The following FOXP1 variants were observed in gnomAD, a reference collection of about 807,000 sequenced individuals.
The protein encoded by FOXP1 is forkhead box P1, also known as forkhead box protein P1.
A neutral mutation model predicts 98.2 loss-of-function variants in FOXP1; 15 were observed. That is an observed-to-expected ratio of 0.15 (90% CI 0.10 to 0.24). The LOEUF (loss-of-function observed/expected upper bound fraction) is 0.24. Among genes scored for constraint, FOXP1 ranks in the 10% least tolerant of loss-of-function variants. The pLI, the probability that FOXP1 is intolerant of heterozygous loss-of-function variation, is 1.00. For synonymous variants in FOXP1, 371 were observed against 314.5 expected (o/e 1.18, Z -1.90); for missense variants, 633 against 848.5 (o/e 0.75, Z 3.15).
intron 11 of FOXP1, among the ~76,000 whole-genome samples, chr3:71,016,586 C>A (rs1199888859): frequency 2.0e-5 from 3 of 151,482 alleles, no homozygotes; most frequent in Non-Finnish European, 4.4e-5. Flanking sequence ...CCGGGAAGGG[C>A]TATTTTGCAA....
intron 6 of FOXP1, among the ~76,000 whole-genome samples, chr3:71,115,797 T>C (rs1485704636): frequency 1.3e-5 from 2 of 149,220 alleles, no homozygotes; most frequent in South Asian, 2.1e-4. Flanking sequence ...AGTGCAGTAG[T>C]GCAACCTCGG....
At chr3:71,112,117 T>TG (rs1397460232) in intron 7 of FOXP1, among the ~76,000 whole-genome samples, 12 of 944 alleles carry the variant, frequency 0.013, no homozygotes, top group East Asian at 0.023. Context: ...TGGTGGTGGG[T>TG]GGGGGGGTGG....
rs571477928 is a variant in FOXP1, at chr3:71,247,431, T to C, written c.-11-49039A>G. On this transcript the variant is annotated intron_variant, in intron 5 of 20. Coordinates refer to ENST00000649528, the MANE Select transcript of FOXP1 (RefSeq NM_001349338.3). ...CTCTGTCACACCTTACGGAATGCCA[T>C]TGATTGTGGCTCAGAGAAGGCCATT... 1.3e-3 allele frequency among the ~76,000 whole-genome samples: 191 copies of C among 152,240 alleles called. 1 individual carries two copies. Among genetic ancestry groups the C allele is most frequent in the Non-Finnish European group, 1.8e-3 (124 of 68,012 alleles).
intron 3 of FOXP1, among the ~76,000 whole-genome samples, chr3:71,441,876 A>C (rs1044640832): frequency 2.0e-5 from 3 of 152,190 alleles, no homozygotes; most frequent in Admixed American, 2.0e-4. Flanking sequence ...GAATGTTTGG[A>C]TTCGAGGGGA....
At chr3:71,117,934 T>A (rs1254547089) in intron 6 of FOXP1, among the ~76,000 whole-genome samples, 1 of 152,182 alleles carries the variant, frequency 6.6e-6, no homozygotes, top group East Asian at 1.9e-4. Context: ...ACATTCACAT[T>A]TATTTTCCTT....
intron 3 of FOXP1, among the ~76,000 whole-genome samples, chr3:71,427,603 T>C (rs1223913551): frequency 6.6e-6 from 1 of 151,998 alleles, no homozygotes; most frequent in African/African-American, 2.4e-5. Flanking sequence ...AAAGGCAGAG[T>C]TGTCAGCCTC....
intron 3 of FOXP1, among the ~76,000 whole-genome samples, chr3:71,399,625 C>G (rs1577312684): frequency 6.6e-6 from 1 of 152,270 alleles, no homozygotes; most frequent in East Asian, 1.9e-4. Flanking sequence ...GGTTTGCAAC[C>G]TTTGATAACC....
intron 13 of FOXP1, among the ~76,000 whole-genome samples, chr3:71,000,534 C>A (rs2041984801): frequency 6.6e-6 from 1 of 152,088 alleles, no homozygotes; most frequent in South Asian, 2.1e-4. Context: ...CATTCACATT[C>A]ATTCTCTCAA....
At chr3:71,420,957 C>A (rs1238938559) in intron 3 of FOXP1, among the ~76,000 whole-genome samples, 2 of 152,124 alleles carry the variant, frequency 1.3e-5, no homozygotes, top group Non-Finnish European at 2.9e-5. Context: ...GTCTGGTGAG[C>A]CCTATGCCCA....
At chr3:70,993,786 G>C (rs1038642111) in intron 13 of FOXP1, among the ~76,000 whole-genome samples, 2 of 152,116 alleles carry the variant, frequency 1.3e-5, no homozygotes, top group African/African-American at 4.8e-5. Context: ...CTTGAGCTCA[G>C]GAATTTGAGA....
At chr3:71,429,476 T>G (rs916065871) in intron 3 of FOXP1, among the ~76,000 whole-genome samples, 2 of 8,954 alleles carry the variant, frequency 2.2e-4, no homozygotes, top group Non-Finnish European at 4.0e-4. Flanking sequence ...TCGTGAGAAC[T>G]TGGGGGTGGG....
chr3:71,278,393 G>C (rs1030290522), intron 5 of FOXP1, among the ~76,000 whole-genome samples: 6 of 152,108 alleles, frequency 3.9e-5, no homozygotes, highest in Admixed American at 6.5e-5. Context: ...GTGGTCTATG[G>C]TATCTCACTG....
chr3:71,006,488 T>C (rs188414010), intron 12 of FOXP1, among the ~76,000 whole-genome samples: 2 of 152,266 alleles, frequency 1.3e-5, no homozygotes, highest in Admixed American at 6.5e-5. Context: ...ATCAAAATTA[T>C]GGATTTTCTA....
intron 7 of FOXP1, among the ~76,000 whole-genome samples, chr3:71,105,408 C>G (rs1353780014): frequency 6.6e-6 from 1 of 152,140 alleles, no homozygotes; most frequent in Non-Finnish European, 1.5e-5. Flanking sequence ...TTCAGCCTTC[C>G]TCTAATTAAA....
intron 5 of FOXP1, among the ~76,000 whole-genome samples, chr3:71,257,356 C>G (rs1426798114): frequency 6.6e-6 from 1 of 152,066 alleles, no homozygotes; most frequent in African/African-American, 2.4e-5. Flanking sequence ...ATGGGCAGAT[C>G]ACCTAAGGTC....
At chr3:70,971,906 T>C (rs1247366745) in intron 18 of FOXP1, 2 of 842,224 alleles carry the variant, frequency 2.4e-6, no homozygotes, top group East Asian at 6.2e-5. Context: ...TGCAGAAAGC[T>C]GTGGCACTGC....
chr3:70,984,920 T>C (rs1273009924), intron 14 of FOXP1, among the ~76,000 whole-genome samples: 1 of 152,214 alleles, frequency 6.6e-6, no homozygotes, highest in Non-Finnish European at 1.5e-5. Flanking sequence ...TGAGCTGATG[T>C]AAAAACAATC....
In FOXP1 at chr3:71,561,332, T is replaced by A. The variant is rs139209517; in HGVS notation, c.-298+20217A>T. ...AAGTGCTAGGATTATAGGCGTGAAC[T>A]ACCACACCCAGCCTGAACTGTATAC... On this transcript the variant is annotated intron_variant, in intron 2 of 20. Transcript: ENST00000649528. Among the ~76,000 whole-genome samples, 1,400 of 142,852 alleles carry A rather than the reference T, an allele frequency of 9.8e-3. 8 individuals carry two copies. Among genetic ancestry groups the A allele is most frequent in the Middle Eastern group, 0.028 (7 of 250 alleles). The allele number at this position is 142,852 out of a possible 152,430, so 93.7% of individuals were successfully genotyped here. A position where few individuals can be genotyped will look rare whatever the true frequency, so the allele number is the denominator to read the frequency against.
chr3:71,518,506 G>T (rs1453522645), intron 2 of FOXP1, among the ~76,000 whole-genome samples: 1 of 152,114 alleles, frequency 6.6e-6, no homozygotes, highest in Non-Finnish European at 1.5e-5. Flanking sequence ...CCTCTTTTGT[G>T]AACATGTTCA....
Sources: allele counts gnomAD v4.1 joint callset (sites outside exome capture counted in the v4.1 genomes callset), GRCh38; gene constraint gnomAD v4.1.1; transcripts MANE v1.5; gene names NCBI Gene and HGNC (gene_info 2026-07-23, HGNC 2026-07-21).